The following UHRF2 variants were observed in gnomAD, a reference collection of about 807,000 sequenced individuals.
The protein encoded by UHRF2 is ubiquitin like with PHD and ring finger domains 2.
UHRF2 carries 23 observed loss-of-function variants against 96.8 expected under a neutral mutation model. That is an observed-to-expected ratio of 0.24 (90% confidence interval 0.17 to 0.34). UHRF2 has a LOEUF of 0.34. Among genes scored for constraint, UHRF2 ranks in the 10% least tolerant of loss-of-function variants. The probability of loss-of-function intolerance (pLI) is 1.00; values close to 1 mark genes in which losing one functional copy is unlikely to be tolerated. For missense variants in UHRF2, 685 were observed against 981.5 expected (o/e 0.70, Z 4.04); for synonymous variants, 385 against 332.6 (o/e 1.16, Z -1.72).
chr9:6,429,777 G>T (rs1381298718), intron 2 of UHRF2, among the ~76,000 whole-genome samples: 7 of 152,134 alleles, frequency 4.6e-5, no homozygotes, highest in Non-Finnish European at 1.0e-4. Flanking sequence ...CAAGATGCTG[G>T]GACAAATTAA....
At chr9:6,486,406 T>G (rs1343411505) in intron 8 of UHRF2, among the ~76,000 whole-genome samples, 1 of 152,156 alleles carries the variant, frequency 6.6e-6, no homozygotes, top group Non-Finnish European at 1.5e-5. Flanking sequence ...ATTTTTGACT[T>G]CACAAACTAG....
In UHRF2 at chr9:6,441,733, C is replaced by T. The variant is rs117443648; in HGVS notation, c.644+7560C>T. The stretch of plus-strand genomic sequence containing the variant: ...TTAGTATGTCTAGGTGGTTTGTGGC[C>T]GGTTTTTTTTTTCCATTTTATTTCC... On this transcript the variant is annotated intron_variant, in intron 3 of 15. Transcript: ENST00000276893. Among the ~76,000 whole-genome samples, 1,004 of 148,904 alleles carry T rather than the reference C, an allele frequency of 6.7e-3. 6 individuals carry two copies. The highest frequency in any genetic ancestry group is 0.012 in the Non-Finnish European group (834 of 67,380).
intron 4 of UHRF2, among the ~76,000 whole-genome samples, chr9:6,466,127 A>G (rs1380096383): frequency 6.6e-6 from 1 of 152,230 alleles, no homozygotes; most frequent in Non-Finnish European, 1.5e-5. Context: ...AAGGCCGAGC[A>G]TGGTGGCTTG....
Position 6,483,933 on chromosome 9 carries a change from C to T in UHRF2, c.1392+1834C>T, listed in dbSNP as rs529513364. ...CGAACTCCCAACCTCGGGTGATCTG[C>T]CTGTCTCAGCCTCCCAAAGTGCTGG... On this transcript the variant is annotated intron_variant, in intron 8 of 15. Coordinates refer to ENST00000276893, the MANE Select transcript of UHRF2 (RefSeq NM_152896.3). Among the ~76,000 whole-genome samples, 6 of 152,324 alleles carry T rather than the reference C, an allele frequency of 3.9e-5. No individual in the cohort carries two copies. In the South Asian group the frequency reaches 1.2e-3, roughly 32 times the overall value.
intron 3 of UHRF2, among the ~76,000 whole-genome samples, chr9:6,444,930 C>T (rs963674961): frequency 7.9e-5 from 12 of 151,858 alleles, no homozygotes; most frequent in African/African-American, 2.7e-4. Context: ...AGAGGTACCA[C>T]GCTGGCCATT....
At chr9:6,414,839 A>G (rs10975580) in intron 1 of UHRF2, among the ~76,000 whole-genome samples, 13,756 of 152,272 alleles carry the variant, frequency 0.09, 1,139 homozygotes, top group East Asian at 0.42. Context: ...TCTCTTTAAA[A>G]TAATGTTATA....
chr9:6,448,190 A>G (rs1055438427), intron 3 of UHRF2, among the ~76,000 whole-genome samples: 1 of 152,192 alleles, frequency 6.6e-6, no homozygotes, highest in African/African-American at 2.4e-5. Context: ...AGAGTACCTA[A>G]GATGTCTGAA....
intron 6 of UHRF2, among the ~76,000 whole-genome samples, 169 bp from the exon 7 acceptor site, chr9:6,481,474 A>T (rs1340745301): frequency 6.6e-6 from 1 of 152,218 alleles, no homozygotes; most frequent in East Asian, 1.9e-4. Flanking sequence ...AGCCAGCCTA[A>T]CCATGTAAAT....
chr9:6,466,042 T>G (rs563207083), intron 4 of UHRF2, among the ~76,000 whole-genome samples: 5 of 152,334 alleles, frequency 3.3e-5, no homozygotes, highest in South Asian at 2.1e-4. Flanking sequence ...TTATGCTGAT[T>G]TAGATATTTG....
At chr9:6,505,046 C>G (rs1246325408) in intron 15 of UHRF2, among the ~76,000 whole-genome samples, 1 of 152,006 alleles carries the variant, frequency 6.6e-6, no homozygotes, top group African/African-American at 2.4e-5. Context: ...CAGTTTATAC[C>G]TAGCATCATG....
At chr9:6,439,587 A>C (rs10815436) in intron 3 of UHRF2, among the ~76,000 whole-genome samples, 283 of 152,210 alleles carry the variant, frequency 1.9e-3, no homozygotes, top group African/African-American at 6.4e-3. Context: ...ATAGATATTT[A>C]TAAGTTTTTT....
intron 1 of UHRF2, among the ~76,000 whole-genome samples, chr9:6,417,135 C>A (rs139980843): frequency 6.6e-6 from 1 of 152,126 alleles, no homozygotes; most frequent in Admixed American, 6.5e-5. Context: ...TCAGTAGTTG[C>A]TTGGGAATGA....
At chr9:6,436,587 A>G (rs754485260) in intron 3 of UHRF2, among the ~76,000 whole-genome samples, 3 of 152,252 alleles carry the variant, frequency 2.0e-5, no homozygotes, top group Non-Finnish European at 4.4e-5. Flanking sequence ...ATTATGCAGA[A>G]TGGCACAACA....
intron 1 of UHRF2, among the ~76,000 whole-genome samples, chr9:6,417,322 A>G (rs1036973878): frequency 1.3e-5 from 2 of 152,226 alleles, no homozygotes; most frequent in Non-Finnish European, 2.9e-5. Context: ...TAAATACTGC[A>G]TCTCCATCTT....
At chr9:6,422,782 C>G in intron 2 of UHRF2, 1 of 415,820 alleles carries the variant, frequency 2.4e-6, no homozygotes, top group Non-Finnish European at 4.3e-6. Flanking sequence ...TAACTTAGAT[C>G]TTTGATATCT....
At chr9:6,481,441 A>G (rs777366517) in intron 6 of UHRF2, among the ~76,000 whole-genome samples, 6 of 152,200 alleles carry the variant, frequency 3.9e-5, no homozygotes, top group Non-Finnish European at 8.8e-5. Flanking sequence ...AGTTATCTAA[A>G]GGAATGACAA....
At chr9:6,492,420 T>A in intron 9 of UHRF2, 4 of 975,434 alleles carry the variant, frequency 4.1e-6, no homozygotes, top group Non-Finnish European at 5.0e-6. Context: ...TTATTAGAAT[T>A]CCTTCTCATA....
At chr9:6,436,663 T>TC (rs1330096284) in intron 3 of UHRF2, among the ~76,000 whole-genome samples, 2 of 152,326 alleles carry the variant, frequency 1.3e-5, no homozygotes, top group East Asian at 3.9e-4. Flanking sequence ...TTTTAGGGGC[T>TC]CTTAAAGTTG....
At chr9:6,431,394 G>A (rs974401883) in intron 2 of UHRF2, among the ~76,000 whole-genome samples, 1 of 152,136 alleles carries the variant, frequency 6.6e-6, no homozygotes, top group Non-Finnish European at 1.5e-5. Context: ...GATTGTTTGA[G>A]GCCAGGAGTT....
Sources: gnomAD v4.1 joint callset for allele counts (sites outside exome capture counted in the v4.1 genomes callset) on GRCh38, gnomAD v4.1.1 for gene constraint, MANE v1.5 for transcripts, NCBI Gene and HGNC (gene_info 2026-07-23, HGNC 2026-07-21) for gene names.